Variants in HECW2 observed in about 807,000 individuals in gnomAD.
HECW2 encodes HECT, C2 and WW domain containing E3 ubiquitin protein ligase 2.
A neutral mutation model predicts 175.2 loss-of-function variants in HECW2; 61 were observed. The ratio of observed to expected loss-of-function variants is 0.35; its 90% CI spans 0.28 to 0.43. The LOEUF (loss-of-function observed/expected upper bound fraction) is 0.43, where lower values mean the gene tolerates loss of function less well. HECW2 is among the 20% of genes least tolerant of loss of function. The pLI, the probability that HECW2 is intolerant of heterozygous loss-of-function variation, is 1.00. For synonymous variants in HECW2, 671 were observed against 731.0 expected, an observed-to-expected ratio of 0.92 and a Z score of 1.32; for missense variants, 1,524 against 2,000.5, an observed-to-expected ratio of 0.76 and a Z score of 4.54.
chr2:196,508,174 A>G (rs964981444), intron 1 of HECW2, among the ~76,000 whole-genome samples: 1 of 152,220 alleles, frequency 6.6e-6, no homozygotes, highest in African/African-American at 2.4e-5. Context: ...ACATAAATAC[A>G]CTACTTTTCT....
intron 1 of HECW2, among the ~76,000 whole-genome samples, chr2:196,440,675 T>C (rs1696012590): frequency 6.6e-6 from 1 of 152,184 alleles, no homozygotes; most frequent in South Asian, 2.1e-4. Flanking sequence ...TATTGCCTTC[T>C]GCAATAAGAA....
intron 2 of HECW2, among the ~76,000 whole-genome samples, chr2:196,372,479 C>T (rs574832107): frequency 6.6e-6 from 1 of 152,200 alleles, no homozygotes. Context: ...CCAAGAATAA[C>T]ATTTTCCCTT....
intron 1 of HECW2, among the ~76,000 whole-genome samples, chr2:196,588,176 C>T (rs940745277): frequency 2.0e-5 from 3 of 152,210 alleles, no homozygotes; most frequent in African/African-American, 7.2e-5. Flanking sequence ...TCTCCCACCT[C>T]CCACCTGCCT....
intron 10 of HECW2, chr2:196,316,062 T>A (rs1052278383): frequency 1.4e-4 from 22 of 152,360 alleles, no homozygotes; most frequent in African/African-American, 5.3e-4. Flanking sequence ...AATTGTTTTA[T>A]CAATAAGGAA....
intron 3 of HECW2, among the ~76,000 whole-genome samples, chr2:196,335,413 CTAA>C (rs1405216387): frequency 6.6e-6 from 1 of 152,172 alleles, no homozygotes; most frequent in Non-Finnish European, 1.5e-5. Flanking sequence ...AGGTGTCGTT[CTAA>C]ATATGCAAGG....
Position 196,329,637 on chromosome 2 carries a change from C to A in HECW2, c.509G>T (p.Gly170Val). Residue 170 changes from glycine to valine, a missense_variant, in exon 5 of 29, where the codon GGC (glycine) becomes GTC (valine). Physicochemically the swap from Gly to Val is moderately radical, Grantham distance 109. Around this residue, in one of 11 missense-constraint regions of HECW2, gnomAD observed 54 missense variants for 46.8 expected, o/e 1.15. Coordinates refer to ENST00000644978, the MANE Select transcript of HECW2 (RefSeq NM_001348768.2). ...KNPAVMMGAE[G>V]MEGGASGNLH... ...GTTTCCTGAAGCACCTCCCTCCATG[C>A]CTTCTGCCCCCATCTGAAAAGAAAA... 6.2e-7 allele frequency: 1 copy of A among 1,613,480 alleles called. No homozygotes were observed. Among genetic ancestry groups the A allele is most frequent in the Non-Finnish European group, 8.5e-7 (1 of 1,179,530 alleles).
At chr2:196,240,679 A>G in intron 20 of HECW2, 117 bp from the exon 21 acceptor site, 2 of 1,000,246 alleles carry the variant, frequency 2.0e-6, no homozygotes, top group Non-Finnish European at 1.4e-6. Context: ...GAAGAATGTT[A>G]CTTAATATCA....
intron 1 of HECW2, among the ~76,000 whole-genome samples, chr2:196,525,690 C>T (rs2125443406): frequency 1.3e-5 from 2 of 151,592 alleles, no homozygotes; most frequent in East Asian, 3.9e-4. Context: ...CAAAATCTCT[C>T]AGCATTTGCT....
intron 1 of HECW2, among the ~76,000 whole-genome samples, chr2:196,477,782 T>C (rs528300339): frequency 1.9e-4 from 29 of 152,278 alleles, no homozygotes; most frequent in Non-Finnish European, 4.0e-4. Flanking sequence ...CTGGGTGCAG[T>C]GACTCACACC....
intron 1 of HECW2, among the ~76,000 whole-genome samples, chr2:196,478,572 T>C (rs1464156116): frequency 6.6e-6 from 1 of 152,140 alleles, no homozygotes; most frequent in Non-Finnish European, 1.5e-5. Flanking sequence ...CTATTCATTT[T>C]AACTTCACTC....
At chr2:196,547,310 C>T (rs1689457926) in intron 1 of HECW2, among the ~76,000 whole-genome samples, 1 of 152,182 alleles carries the variant, frequency 6.6e-6, no homozygotes, top group South Asian at 2.1e-4. Flanking sequence ...GGATACTGCA[C>T]TCAGGCACAA....
intron 13 of HECW2, among the ~76,000 whole-genome samples, chr2:196,305,056 T>C (rs1691208184): frequency 6.6e-6 from 1 of 152,226 alleles, no homozygotes; most frequent in Non-Finnish European, 1.5e-5. Flanking sequence ...TCCATGTGCC[T>C]TCCCTTTGGA....
At chr2:196,411,074 T>C (rs939033263) in intron 2 of HECW2, among the ~76,000 whole-genome samples, 5 of 152,236 alleles carry the variant, frequency 3.3e-5, no homozygotes, top group African/African-American at 1.2e-4. Context: ...CCATAGTTCA[T>C]TACAGCCTTG....
At chr2:196,476,341 G>A (rs1436977378) in intron 1 of HECW2, among the ~76,000 whole-genome samples, 1 of 151,828 alleles carries the variant, frequency 6.6e-6, no homozygotes. Context: ...CTATTAGGTC[G>A]CTGAGGCACT....
intron 1 of HECW2, among the ~76,000 whole-genome samples, chr2:196,573,587 A>G (rs1346333683): frequency 6.6e-6 from 1 of 152,086 alleles, no homozygotes; most frequent in Non-Finnish European, 1.5e-5. Context: ...GAAAAGCCCT[A>G]TTCTCAGGAC....
At chr2:196,355,479 A>C (rs1559063141) in intron 2 of HECW2, among the ~76,000 whole-genome samples, 1 of 152,360 alleles carries the variant, frequency 6.6e-6, no homozygotes, top group East Asian at 1.9e-4. Context: ...AACAAGGCTC[A>C]AAGTAGTAGA....
chr2:196,501,997 G>C (rs1687592202), intron 1 of HECW2, among the ~76,000 whole-genome samples: 1 of 152,160 alleles, frequency 6.6e-6, no homozygotes. Context: ...AAATGGCTTA[G>C]ATTACAATCA....
chr2:196,327,842 T>G (rs1290862100), intron 5 of HECW2, among the ~76,000 whole-genome samples: 2 of 152,248 alleles, frequency 1.3e-5, no homozygotes, highest in African/African-American at 4.8e-5. Context: ...CATTTGGCTG[T>G]GCCTCAAAGC....
intron 4 of HECW2, among the ~76,000 whole-genome samples, chr2:196,330,897 T>C (rs1177929562): frequency 6.6e-6 from 1 of 152,162 alleles, no homozygotes; most frequent in Non-Finnish European, 1.5e-5. Flanking sequence ...TGATTTGAAT[T>C]TGCTTTTACT....
Sources: allele counts gnomAD v4.1 joint callset (sites outside exome capture counted in the v4.1 genomes callset), GRCh38; gene constraint gnomAD v4.1.1; regional missense constraint gnomAD v4.1.1; transcripts MANE v1.5; gene names NCBI Gene and HGNC (gene_info 2026-07-23, HGNC 2026-07-21).